The following HDAC9 variants were observed in gnomAD, a reference collection of about 807,000 sequenced individuals.
The protein encoded by HDAC9 is MEF-2 interacting transcription repressor (MITR) protein.
A neutral mutation model predicts 139.4 loss-of-function variants in HDAC9; 41 were observed. That is an observed-to-expected ratio of 0.29 (90% confidence interval 0.23 to 0.38). The LOEUF (loss-of-function observed/expected upper bound fraction) is 0.38, where lower values mean the gene tolerates loss of function less well. HDAC9 is among the 10% of genes least tolerant of loss of function. The pLI is 1.00. For synonymous variants in HDAC9, 517 were observed against 476.2 expected (o/e 1.09, Z -1.12); for missense variants, 1,147 against 1,297.0 (o/e 0.88, Z 1.78).
intron 2 of HDAC9, among the ~76,000 whole-genome samples, chr7:18,180,999 C>T (rs1279298679): frequency 6.6e-6 from 1 of 152,120 alleles, no homozygotes; most frequent in Admixed American, 6.5e-5. Flanking sequence ...TGTCAAATCT[C>T]CTCCTCCTTC....
chr7:18,809,470 A>G (rs1267314949), intron 17 of HDAC9, among the ~76,000 whole-genome samples: 1 of 152,040 alleles, frequency 6.6e-6, no homozygotes, highest in African/African-American at 2.4e-5. Context: ...ATTATATAAG[A>G]AATTCATACA....
chr7:18,707,422 A>G (rs1252751501), intron 12 of HDAC9, among the ~76,000 whole-genome samples: 1 of 152,232 alleles, frequency 6.6e-6, no homozygotes, highest in African/African-American at 2.4e-5. Context: ...ATGATTATTT[A>G]TAGAGCAGAA....
chr7:18,380,718 A>T (rs142970356), intron 1 of HDAC9, among the ~76,000 whole-genome samples: 1 of 152,186 alleles, frequency 6.6e-6, no homozygotes, highest in African/African-American at 2.4e-5. Flanking sequence ...CCAAACATCA[A>T]TAAGCTTCTC....
chr7:18,251,126 A>G (rs767166038), intron 2 of HDAC9, among the ~76,000 whole-genome samples: 3 of 152,220 alleles, frequency 2.0e-5, no homozygotes, highest in Non-Finnish European at 4.4e-5. Flanking sequence ...TCAGTCATAG[A>G]TTGGATAGAG....
chr7:18,116,165 CTTTGTTTCT>C (rs1156725151), intron 1 of HDAC9, among the ~76,000 whole-genome samples: 4 of 152,048 alleles, frequency 2.6e-5, no homozygotes. Context: ...ATATGCATTG[CTTTGTTTCT>C]TGCATATATA....
At chr7:18,942,691 T>C (rs960012474) in intron 23 of HDAC9, among the ~76,000 whole-genome samples, 1 of 152,064 alleles carries the variant, frequency 6.6e-6, no homozygotes, top group African/African-American at 2.4e-5. Context: ...TGTAAATGAC[T>C]TGTGAAAGCC....
chr7:18,376,494 T>C (rs1785003392), intron 1 of HDAC9, among the ~76,000 whole-genome samples: 1 of 152,212 alleles, frequency 6.6e-6, no homozygotes. Flanking sequence ...TCTAAGTTGA[T>C]GCATATTTCC....
intron 1 of HDAC9, among the ~76,000 whole-genome samples, chr7:18,301,214 C>A (rs913483255): frequency 6.6e-6 from 1 of 152,006 alleles, no homozygotes; most frequent in African/African-American, 2.4e-5. Context: ...TGAAACTTCT[C>A]GCTTCTCAAT....
chr7:18,713,206 G>A lies in HDAC9; in HGVS notation c.1732-14374G>A, dbSNP rs573310703. ...AAAAAAAATTTGACTGTTGATAGATGTGACAATTTATGACAACTAATGAGA... is the reference window on the plus strand; with the variant it reads ...AAAAAAAATTTGACTGTTGATAGATATGACAATTTATGACAACTAATGAGA... On this transcript the variant is annotated intron_variant, in intron 12 of 25. Transcript: ENST00000686413. Among the ~76,000 whole-genome samples, 3 of 152,276 alleles carry A rather than the reference G, an allele frequency of 2.0e-5. No homozygotes were observed. The South Asian group carries it at 6.2e-4, about 32-fold the overall frequency.
chr7:18,602,430 G>C (rs898679919), intron 6 of HDAC9, among the ~76,000 whole-genome samples: 7 of 150,440 alleles, frequency 4.7e-5, no homozygotes, highest in African/African-American at 1.7e-4. Flanking sequence ...TTTCTCTCTT[G>C]ATTTCCTGGT....
chr7:18,353,340 A>T (rs1257107440), intron 1 of HDAC9, among the ~76,000 whole-genome samples: 1 of 152,068 alleles, frequency 6.6e-6, no homozygotes, highest in Non-Finnish European at 1.5e-5. Flanking sequence ...GTAGCCTAAG[A>T]TCTCATAACT....
intron 2 of HDAC9, among the ~76,000 whole-genome samples, chr7:18,272,345 T>A (rs1052817112): frequency 1.2e-4 from 19 of 152,294 alleles, no homozygotes; most frequent in Middle Eastern, 3.4e-3. Context: ...TAAGATTTTT[T>A]AAAAAATACA....
intron 6 of HDAC9, among the ~76,000 whole-genome samples, chr7:18,624,940 G>A (rs1224059768): frequency 6.6e-6 from 1 of 151,934 alleles, no homozygotes; most frequent in East Asian, 1.9e-4. Context: ...ACATTAAGTA[G>A]GGGCCTTTCT....
chr7:18,722,287 G>A (rs905320427), intron 12 of HDAC9, among the ~76,000 whole-genome samples: 3 of 152,098 alleles, frequency 2.0e-5, no homozygotes, highest in African/African-American at 4.8e-5. Context: ...TAAAATAAAT[G>A]TTAATAAAAA....
chr7:18,474,407 G>C (rs76373898), intron 1 of HDAC9, among the ~76,000 whole-genome samples: 1 of 152,126 alleles, frequency 6.6e-6, no homozygotes, highest in East Asian at 1.9e-4. Context: ...TTTCCTGCTC[G>C]ACTCTAGCCA....
chr7:18,695,847 G>A (rs551300057), intron 12 of HDAC9, among the ~76,000 whole-genome samples: 19 of 152,024 alleles, frequency 1.2e-4, no homozygotes, highest in South Asian at 1.2e-3. Context: ...TTTATTTTCT[G>A]GCTAGTATTT....
intron 1 of HDAC9, among the ~76,000 whole-genome samples, chr7:18,456,613 G>T (rs1793375522): frequency 6.6e-6 from 1 of 152,060 alleles, no homozygotes; most frequent in Non-Finnish European, 1.5e-5. Flanking sequence ...GTTGATGGAA[G>T]ATATTAGAAA....
chr7:18,253,582 C>T (rs1036972432), intron 2 of HDAC9, among the ~76,000 whole-genome samples: 3 of 152,024 alleles, frequency 2.0e-5, no homozygotes, highest in African/African-American at 7.2e-5. Context: ...TGTCCTTTGC[C>T]CATGTTTTAA....
At chr7:18,293,099 C>A (rs961415237) in intron 1 of HDAC9, among the ~76,000 whole-genome samples, 2 of 151,958 alleles carry the variant, frequency 1.3e-5, no homozygotes, top group South Asian at 2.1e-4. Context: ...CAATCTGATA[C>A]AATTTGCAAT....
Sources: gnomAD v4.1 joint callset for allele counts (sites outside exome capture counted in the v4.1 genomes callset) on GRCh38, gnomAD v4.1.1 for gene constraint, MANE v1.5 for transcripts, NCBI Gene and HGNC (gene_info 2026-07-23, HGNC 2026-07-21) for gene names.